Variants in ASIC2 observed in about 807,000 individuals in gnomAD.
ASIC2 encodes the protein acid sensing ion channel subunit 2, also known as acid-sensing ion channel 2.
Under a neutral mutation model 57.3 loss-of-function variants are expected in ASIC2, and 25 were observed. The ratio of observed to expected loss-of-function variants is 0.44; its 90% confidence interval spans 0.32 to 0.61. ASIC2 has a LOEUF of 0.61. Among genes scored for constraint, ASIC2 ranks in the 20% least tolerant of loss-of-function variants. The pLI, the probability that ASIC2 is intolerant of heterozygous loss-of-function variation, is 0.06. For synonymous variants in ASIC2, 319 were observed against 307.5 expected, an observed-to-expected ratio of 1.04 and a Z score of -0.39; for missense variants, 641 against 738.1, an observed-to-expected ratio of 0.87 and a Z score of 1.52.
chr17:33,016,016 G>A lies in ASIC2; in HGVS notation c.1545C>T (p.Asp515=). Residue 515 remains aspartate, a synonymous_variant, in exon 9 of 10, where the codon GAC becomes GAT. Coordinates refer to ENST00000225823, the MANE Select transcript of ASIC2 (RefSeq NM_183377.2). ...CTTCGTCCTCCTCTTTGCCAAGCAG[G>A]TCTAATAGCTTCTCTTTGATCAGCT... ...IYELIKEKLL[D]LLGKEEDEGS... is the part of the protein sequence containing the mutation. The A allele has an allele frequency of 4.3e-6, 7 of 1,614,042 alleles. No individual in the cohort carries two copies. The highest frequency in any genetic ancestry group is 5.9e-6 in the Non-Finnish European group (7 of 1,179,976).
At chr17:33,798,549 G>T (rs1055016709) in intron 1 of ASIC2, among the ~76,000 whole-genome samples, 1 of 152,208 alleles carries the variant, frequency 6.6e-6, no homozygotes, top group Admixed American at 6.5e-5. Flanking sequence ...TCTGTGGAGC[G>T]CAGCAGCTCT....
intron 1 of ASIC2, among the ~76,000 whole-genome samples, chr17:33,300,588 T>A (rs1185209701): frequency 6.6e-6 from 1 of 152,232 alleles, no homozygotes; most frequent in Non-Finnish European, 1.5e-5. Context: ...AAGTGCATTA[T>A]GTTGTGTATT....
At chr17:33,254,816 A>T (rs1049780160) in intron 1 of ASIC2, among the ~76,000 whole-genome samples, 5 of 152,154 alleles carry the variant, frequency 3.3e-5, no homozygotes, top group Non-Finnish European at 7.3e-5. Context: ...CATGCTAAAT[A>T]TCCTCATTTT....
At chr17:33,671,584 G>T (rs1907640628) in intron 1 of ASIC2, among the ~76,000 whole-genome samples, 1 of 152,206 alleles carries the variant, frequency 6.6e-6, no homozygotes, top group Admixed American at 6.5e-5. Flanking sequence ...GCAACTTTTA[G>T]TCAGACCTCA....
At chr17:33,940,989 A>G (rs1916179484) in intron 1 of ASIC2, among the ~76,000 whole-genome samples, 1 of 152,234 alleles carries the variant, frequency 6.6e-6, no homozygotes, top group African/African-American at 2.4e-5. Flanking sequence ...TTCCATTCTA[A>G]GTGCGGTGAA....
At chr17:33,748,063 T>C (rs1910320337) in intron 1 of ASIC2, among the ~76,000 whole-genome samples, 1 of 152,286 alleles carries the variant, frequency 6.6e-6, no homozygotes, top group South Asian at 2.1e-4. Context: ...TTAAGCGACT[T>C]GCTAGAGAGC....
chr17:33,312,001 C>T (rs1906445154), intron 1 of ASIC2, among the ~76,000 whole-genome samples: 1 of 152,148 alleles, frequency 6.6e-6, no homozygotes, highest in Admixed American at 6.5e-5. Context: ...GAATAAAGTT[C>T]CAACCCTGCA....
intron 1 of ASIC2, among the ~76,000 whole-genome samples, chr17:33,135,459 C>T (rs1036147647): frequency 6.6e-6 from 1 of 152,186 alleles, no homozygotes; most frequent in Non-Finnish European, 1.5e-5. Context: ...TCCATCTCTC[C>T]ATTTGACTCC....
chr17:33,937,737 T>C (rs1294990500), intron 1 of ASIC2, among the ~76,000 whole-genome samples: 2 of 152,216 alleles, frequency 1.3e-5, no homozygotes, highest in African/African-American at 4.8e-5. Flanking sequence ...TTTCCAAATG[T>C]CCAGTCTTCT....
chr17:33,232,475 G>GTATGA (rs1908139496), intron 1 of ASIC2, among the ~76,000 whole-genome samples: 1 of 150,134 alleles, frequency 6.7e-6, no homozygotes. Flanking sequence ...GTATGGTATG[G>GTATGA]TATGGTATGG....
chr17:33,894,007 C>T (rs1674398606), intron 1 of ASIC2, among the ~76,000 whole-genome samples: 1 of 152,108 alleles, frequency 6.6e-6, no homozygotes, highest in African/African-American at 2.4e-5. Context: ...ATCTGAAGCC[C>T]CACAGATTCC....
intron 1 of ASIC2, among the ~76,000 whole-genome samples, chr17:33,768,271 G>A (rs1316881431): frequency 6.6e-6 from 1 of 152,086 alleles, no homozygotes; most frequent in Non-Finnish European, 1.5e-5. Flanking sequence ...CTCCCAAAGT[G>A]CTGGGATCAC....
In ASIC2 at chr17:33,405,487, C is replaced by CTTT. The variant is rs35049672; in HGVS notation, c.556-293423_556-293421dup. 7.8e-4 allele frequency among the ~76,000 whole-genome samples: 105 copies of CTTT among 135,302 alleles called. 5 individuals carry two copies. Among genetic ancestry groups the CTTT allele is most frequent in the Non-Finnish European group, 1.0e-3 (67 of 64,304 alleles). 88.8% of individuals were successfully genotyped at this position (135,302 alleles called of 152,430 possible). On this transcript the variant is annotated intron_variant, in intron 1 of 9. Coordinates refer to the ASIC2 transcript ENST00000359872. ...CTTTCTTTCTTTTTCTTTTTTCTTT[C>CTTT]TTTTTTTTTTTTTTGAGATGGAGTC... is the stretch of plus-strand genomic sequence containing the variant.
intron 1 of ASIC2, among the ~76,000 whole-genome samples, chr17:33,618,032 G>T (rs529749474): frequency 2.0e-5 from 3 of 152,116 alleles, no homozygotes; most frequent in Admixed American, 6.5e-5. Context: ...GCACATTAGA[G>T]AGTCTAGTAG....
chr17:33,296,927 T>G (rs551402671), upstream of ASIC2, among the ~76,000 whole-genome samples: 40 of 152,346 alleles, frequency 2.6e-4, 1 homozygote, highest in African/African-American at 8.2e-4. Context: ...GTTCAATACA[T>G]TCCTTCAGTG....
intron 1 of ASIC2, among the ~76,000 whole-genome samples, chr17:33,813,897 C>T (rs1261196159): frequency 6.6e-6 from 1 of 152,116 alleles, no homozygotes; most frequent in Non-Finnish European, 1.5e-5. Flanking sequence ...CTGTTGGTTT[C>T]CTGAGGTTGA....
chr17:33,480,569 T>C (rs7218475), intron 1 of ASIC2, among the ~76,000 whole-genome samples: 124,221 of 152,040 alleles, frequency 0.82, 51,173 homozygotes, highest in African/African-American at 0.92. Context: ...GGAGGCTGGG[T>C]ACCTGTCATA....
chr17:33,387,950 C>T (rs974933953), intron 1 of ASIC2, among the ~76,000 whole-genome samples: 11 of 151,988 alleles, frequency 7.2e-5, no homozygotes, highest in South Asian at 2.1e-4. Context: ...AGTAGTGGTG[C>T]GCACCTGTAA....
chr17:33,033,867 G>A (rs2091896975), intron 3 of ASIC2, among the ~76,000 whole-genome samples: 1 of 152,186 alleles, frequency 6.6e-6, no homozygotes, highest in Non-Finnish European at 1.5e-5. Flanking sequence ...GTCCATAAAA[G>A]CCCTGGGCTC....
Sources: gnomAD v4.1 joint callset for allele counts (sites outside exome capture counted in the v4.1 genomes callset) on GRCh38, gnomAD v4.1.1 for gene constraint, MANE v1.5 for transcripts, NCBI Gene and HGNC (gene_info 2026-07-23, HGNC 2026-07-21) for gene names.